TMEM182: variants seen among roughly 807,000 people sequenced by gnomAD.
TMEM182 encodes the protein transmembrane protein 182.
A neutral mutation model predicts 26.8 loss-of-function variants in TMEM182; 20 were observed. The observed-to-expected ratio is 0.75, with a 90% confidence interval of 0.53 to 1.09. The LOEUF is 1.09. Among genes scored for constraint, TMEM182 ranks in the 50% least tolerant of loss-of-function variants. TMEM182 has a pLI of 0.00. For missense variants in TMEM182, 277 were observed against 275.5 expected (o/e 1.01, Z -0.04); for synonymous variants, 109 against 102.2 (o/e 1.07, Z -0.40).
rs1682745627 is a variant in TMEM182 at position 102,816,321 on chromosome 2, C to T, written c.*1353C>T. 1 of 985,102 alleles carries T rather than the reference C, an allele frequency of 1.0e-6. No homozygotes were observed. Among genetic ancestry groups the T allele is most frequent in the African/African-American group, 1.7e-5 (1 of 57,170 alleles). The allele number at this position is 985,102 out of a possible 1,614,324, so 61.0% of individuals were successfully genotyped here. A position where few individuals can be genotyped will look rare whatever the true frequency, so the allele number is the denominator to read the frequency against. Reference sequence around the variant, plus strand: ...CATGGCCCACAGGCAAAAAAAGTCACCACCCAGAAGATGCTCTGGGATAGA... The same window carrying T: ...CATGGCCCACAGGCAAAAAAAGTCATCACCCAGAAGATGCTCTGGGATAGA... On this transcript the variant is annotated 3_prime_UTR_variant, in exon 5 of 5. Transcript: ENST00000412401.
intron 3 of TMEM182, among the ~76,000 whole-genome samples, chr2:102,795,342 G>A (rs1306230026): frequency 1.3e-5 from 2 of 152,108 alleles, no homozygotes; most frequent in Non-Finnish European, 2.9e-5. Flanking sequence ...TTGTATCCTG[G>A]ACACCTTGAA....
intron 1 of TMEM182, among the ~76,000 whole-genome samples, chr2:102,738,429 C>T (rs1046539821): frequency 2.2e-4 from 34 of 152,048 alleles, no homozygotes; most frequent in African/African-American, 8.0e-4. Context: ...CCTGTCTCTA[C>T]TAAAAATACA....
intron 1 of TMEM182, among the ~76,000 whole-genome samples, chr2:102,747,200 G>A (rs1679725926): frequency 6.6e-6 from 1 of 152,134 alleles, no homozygotes; most frequent in Non-Finnish European, 1.5e-5. Context: ...ACGGTACATA[G>A]TGAGATGTAT....
chr2:102,762,841 A>G (rs1238989271), intron 2 of TMEM182, among the ~76,000 whole-genome samples, 155 bp downstream of exon 2: 5 of 152,208 alleles, frequency 3.3e-5, no homozygotes, highest in Non-Finnish European at 7.3e-5. Flanking sequence ...ATTCCTTTTC[A>G]GTAAGTAGAC....
At chr2:102,822,375 A>C (rs892941481), downstream of TMEM182, among the ~76,000 whole-genome samples, 61 of 152,202 alleles carry the variant, frequency 4.0e-4, no homozygotes, top group Non-Finnish European at 1.8e-4. Context: ...GATATCGAGG[A>C]AACCCAGAAG....
chr2:102,800,797 TTGTGTGTGTGTGTGTGTG>T (rs71378190), intron 4 of TMEM182, among the ~76,000 whole-genome samples: 76 of 137,874 alleles, frequency 5.5e-4, no homozygotes, highest in East Asian at 3.0e-3. Context: ...TTTGGACAGT[TTGTGTGTGTGTGTGTGTG>T]TGTGTGTGTG....
intron 3 of TMEM182, among the ~76,000 whole-genome samples, chr2:102,823,436 G>T (rs562423434): frequency 6.6e-6 from 1 of 152,030 alleles, no homozygotes; most frequent in Non-Finnish European, 1.5e-5. Flanking sequence ...GGGTTCAAGC[G>T]ATTCTCCTGC....
rs903369168 is a variant in TMEM182 at position 102,816,215 on chromosome 2, T to C, written c.*1247T>C. ...CGTATTTGCATTCTGGAAGCCTCCA[T>C]CGCAGGGGAGCTCGGCAGGGTATGT... On this transcript the variant is annotated 3_prime_UTR_variant, in exon 5 of 5. Coordinates refer to ENST00000412401, the MANE Select transcript of TMEM182 (RefSeq NM_144632.5). 1 of 985,408 alleles carries C rather than the reference T, an allele frequency of 1.0e-6. No individual in the cohort carries two copies. The highest frequency in any genetic ancestry group is 1.7e-5 in the African/African-American group (1 of 57,358). The allele number at this position is 985,408 out of a possible 1,614,324, so 61.0% of individuals were successfully genotyped here.
chr2:102,802,401 C>A (rs747362253), intron 4 of TMEM182, among the ~76,000 whole-genome samples: 1 of 152,172 alleles, frequency 6.6e-6, no homozygotes, highest in Non-Finnish European at 1.5e-5. Context: ...CAGAGACTTC[C>A]TCAGGCAGGC....
chr2:102,777,560 G>A (rs921431794), intron 3 of TMEM182, among the ~76,000 whole-genome samples: 2 of 151,908 alleles, frequency 1.3e-5, no homozygotes, highest in Non-Finnish European at 2.9e-5. Flanking sequence ...TATTGAAGGT[G>A]GATTGTGTCA....
chr2:102,751,636 A>C (rs1679879546), intron 1 of TMEM182, among the ~76,000 whole-genome samples: 1 of 151,910 alleles, frequency 6.6e-6, no homozygotes, highest in Non-Finnish European at 1.5e-5. Context: ...TCCTACCCTC[A>C]CTATCTGCTA....
chr2:102,816,511 A>AATG lies in TMEM182; in HGVS notation c.*1545_*1546insGAT, dbSNP rs1283257204. ...GGGCATTTTCATGACAGGACTTGCC[A>AATG]ATAATAATAATAATAATAATAATAA... On this transcript the variant is annotated 3_prime_UTR_variant, in exon 5 of 5. Coordinates refer to ENST00000412401, the MANE Select transcript of TMEM182 (RefSeq NM_144632.5). 1.6e-6 allele frequency: 1 copy of AATG among 609,036 alleles called. No individual in the cohort carries two copies. Among genetic ancestry groups the AATG allele is most frequent in the African/African-American group, 5.1e-5 (1 of 19,682 alleles). The allele number at this position is 609,036 out of a possible 1,614,324, so 37.7% of individuals were successfully genotyped here.
At chr2:102,823,901 T>G (rs1682976860) in intron 3 of TMEM182, among the ~76,000 whole-genome samples, 1 of 152,230 alleles carries the variant, frequency 6.6e-6, no homozygotes, top group East Asian at 1.9e-4. Flanking sequence ...TCAAAAGGCG[T>G]ATCATAATAT....
chr2:102,738,604 T>G (rs754045732), intron 1 of TMEM182, among the ~76,000 whole-genome samples: 14 of 151,868 alleles, frequency 9.2e-5, no homozygotes, highest in Non-Finnish European at 1.9e-4. Context: ...ATAATAATAA[T>G]AAAAGATTTG....
chr2:102,762,251 C>G lies in TMEM182; in HGVS notation c.34C>G (p.Leu12Val). 6.2e-7 allele frequency: 1 copy of G among 1,613,018 alleles called. No homozygotes were observed. Among genetic ancestry groups the G allele is most frequent in the East Asian group, 2.2e-5 (1 of 44,804 alleles). The change falls in exon 1 of 5, where the codon CTC becomes GTC. Residue 12 changes from leucine (L) to valine (V), a missense_variant. Physicochemically the swap from Leu to Val is conservative, Grantham distance 32 (BLOSUM62 1). Transcript: ENST00000412401. Reference protein sequence around the residue: ...RLNIAIFFGALFGALGVLLFL... With the variant: ...RLNIAIFFGAVFGALGVLLFL... ...AAATATCGCTATCTTCTTTGGAGCTCTCTTTGGTGCTTTGGGGGTGTTACT... is the reference window on the plus strand; with the variant it reads ...AAATATCGCTATCTTCTTTGGAGCTGTCTTTGGTGCTTTGGGGGTGTTACT...
chr2:102,831,458 AAAG>A (rs907740385), intron 3 of TMEM182, among the ~76,000 whole-genome samples: 2 of 152,206 alleles, frequency 1.3e-5, no homozygotes, highest in Admixed American at 1.3e-4. Context: ...AGTCATCTTA[AAAG>A]AAGAAGAGTG....
chr2:102,787,138 G>A (rs550921593), intron 3 of TMEM182, among the ~76,000 whole-genome samples: 5 of 152,294 alleles, frequency 3.3e-5, no homozygotes, highest in South Asian at 4.1e-4. Flanking sequence ...AACTCTCTCC[G>A]TGATGTCCCT....
rs747809953 is a variant in TMEM182, at chr2:102,762,267, G to T, written c.50G>T (p.Gly17Val). Residue 17 changes from glycine (G) to valine (V), a missense_variant, in exon 1 of 5, where the codon GGG (glycine) becomes GTG (valine). By Grantham distance (109) the Gly-to-Val change is moderately radical (BLOSUM62 -3). Coordinates refer to ENST00000412401, the MANE Select transcript of TMEM182 (RefSeq NM_144632.5). ...TTTGGAGCTCTCTTTGGTGCTTTGG[G>T]GGTGTTACTCTTTTTGGTGGCTTTT... ...IFFGALFGAL[G>V]VLLFLVAFGS... The T allele has an allele frequency of 1.9e-6, 3 of 1,613,848 alleles. No individual in the cohort carries two copies. The highest frequency in any genetic ancestry group is 2.2e-5 in the East Asian group (1 of 44,848).
intron 3 of TMEM182, among the ~76,000 whole-genome samples, chr2:102,769,325 G>A (rs192047784): frequency 6.6e-6 from 1 of 152,256 alleles, no homozygotes; most frequent in Non-Finnish European, 1.5e-5. Context: ...TGATATGTGA[G>A]GAGTTAACAT....
Sources: gnomAD v4.1 joint callset for allele counts (sites outside exome capture counted in the v4.1 genomes callset) on GRCh38, gnomAD v4.1.1 for gene constraint, MANE v1.5 for transcripts, NCBI Gene and HGNC (gene_info 2026-07-23, HGNC 2026-07-21) for gene names.